The following WDPCP variants were observed in gnomAD, a reference collection of about 807,000 sequenced individuals.
The protein encoded by WDPCP is WD repeat containing planar cell polarity effector, also known as WD repeat-containing and planar cell polarity effector protein fritz homolog.
In WDPCP, 71 loss-of-function variants were observed where a neutral mutation model predicts 93.1. That is an observed-to-expected ratio of 0.76 (90% CI 0.63 to 0.93). The LOEUF is 0.93. Among genes scored for constraint, WDPCP ranks in the 40% least tolerant of loss-of-function variants. WDPCP has a pLI of 0.00. For synonymous variants in WDPCP, 315 were observed against 315.0 expected (o/e 1.00, Z 0.00); for missense variants, 844 against 887.4 (o/e 0.95, Z 0.62).
intron 14 of WDPCP, among the ~76,000 whole-genome samples, chr2:63,251,486 C>CTTTTTT (rs869243555): frequency 4.7e-5 from 5 of 107,130 alleles, no homozygotes; most frequent in Non-Finnish European, 7.6e-5. Flanking sequence ...AAAAGCCTAC[C>CTTTTTT]TTTTTTTTTT....
At chr2:63,180,211 A>G (rs1674134846) in intron 14 of WDPCP, among the ~76,000 whole-genome samples, 1 of 152,068 alleles carries the variant, frequency 6.6e-6, no homozygotes, top group Non-Finnish European at 1.5e-5. Context: ...TTTTTTTGGT[A>G]TGCATTTAAG....
intron 14 of WDPCP, among the ~76,000 whole-genome samples, chr2:63,191,235 T>C (rs1484379105): frequency 2.0e-5 from 3 of 151,800 alleles, no homozygotes; most frequent in Non-Finnish European, 4.4e-5. Context: ...TACTAAAAAT[T>C]ACAAATATTA....
At chr2:63,578,938 G>A (rs1708296396) in intron 1 of WDPCP, among the ~76,000 whole-genome samples, 2 of 152,246 alleles carry the variant, frequency 1.3e-5, no homozygotes, top group Admixed American at 1.3e-4. Context: ...GAATCTCACA[G>A]TTTGGCTTTC....
At chr2:63,508,701 A>G (rs1167762267) in intron 1 of WDPCP, among the ~76,000 whole-genome samples, 2 of 152,162 alleles carry the variant, frequency 1.3e-5, no homozygotes, top group East Asian at 3.9e-4. Context: ...CTCACATGCA[A>G]AGACACACAT....
chr2:63,710,143 C>T (rs529883816), intron 2 of WDPCP, among the ~76,000 whole-genome samples: 119 of 152,340 alleles, frequency 7.8e-4, no homozygotes, highest in South Asian at 1.4e-3. Context: ...ACACTGACCA[C>T]ATCAACAAGC....
At chr2:63,633,253 C>T (rs1239078226) in intron 3 of WDPCP, among the ~76,000 whole-genome samples, 1 of 152,060 alleles carries the variant, frequency 6.6e-6, no homozygotes, top group Non-Finnish European at 1.5e-5. Context: ...AATGAAAAGA[C>T]ACTAATAGAA....
intron 3 of WDPCP, among the ~76,000 whole-genome samples, chr2:63,618,078 A>G (rs1709692564): frequency 6.6e-6 from 1 of 152,204 alleles, no homozygotes. Flanking sequence ...TTCAATTACT[A>G]AATCCTTGAG....
At chr2:63,324,124 A>C (rs1343093283) in intron 12 of WDPCP, among the ~76,000 whole-genome samples, 1 of 152,148 alleles carries the variant, frequency 6.6e-6, no homozygotes, top group Non-Finnish European at 1.5e-5. Context: ...TGGCCACCTG[A>C]GGGAAGTATA....
chr2:63,667,536 G>C (rs532187121), intron 2 of WDPCP, among the ~76,000 whole-genome samples: 1 of 152,288 alleles, frequency 6.6e-6, no homozygotes, highest in South Asian at 2.1e-4. Flanking sequence ...TTTCAAGGTG[G>C]AGTTATATTA....
At chr2:63,204,888 A>G (rs1165859869) in intron 14 of WDPCP, among the ~76,000 whole-genome samples, 1 of 151,944 alleles carries the variant, frequency 6.6e-6, no homozygotes, top group Non-Finnish European at 1.5e-5. Flanking sequence ...TGCTTTAGTT[A>G]CCTGTGCTTG....
At chr2:63,834,124 A>G in the WDPCP span, among the ~76,000 whole-genome samples, 3 of 152,134 alleles carry the variant, frequency 2.0e-5, no homozygotes, top group Non-Finnish European at 4.4e-5. Context: ...TCATTATCCT[A>G]TTACTCCATT....
At chr2:63,651,229 T>C (rs1710105795) in intron 2 of WDPCP, among the ~76,000 whole-genome samples, 1 of 152,172 alleles carries the variant, frequency 6.6e-6, no homozygotes, top group Non-Finnish European at 1.5e-5. Flanking sequence ...TTGAATTTCT[T>C]AATTATAGCA....
intron 12 of WDPCP, among the ~76,000 whole-genome samples, chr2:63,317,761 G>A (rs919090237): frequency 6.6e-6 from 1 of 151,938 alleles, no homozygotes; most frequent in South Asian, 2.1e-4. Context: ...TACAAAAATC[G>A]ATTCAAGATG....
chr2:63,676,297 G>A (rs1710402948), intron 2 of WDPCP, among the ~76,000 whole-genome samples: 1 of 152,162 alleles, frequency 6.6e-6, no homozygotes. Flanking sequence ...GTATCTAAGT[G>A]CATGAGAAGT....
At chr2:63,799,228 G>T (rs1670659856) in intron 2 of WDPCP, among the ~76,000 whole-genome samples, 1 of 152,136 alleles carries the variant, frequency 6.6e-6, no homozygotes. Context: ...AGCCTATGAA[G>T]AAATTAGGAA....
intron 14 of WDPCP, among the ~76,000 whole-genome samples, chr2:63,234,705 G>A (rs1679232852): frequency 6.6e-6 from 1 of 152,002 alleles, no homozygotes; most frequent in Non-Finnish European, 1.5e-5. Flanking sequence ...TAGTTAATAT[G>A]AATATTTTGT....
intron 1 of WDPCP, among the ~76,000 whole-genome samples, chr2:63,538,909 G>C (rs539789495): frequency 6.6e-6 from 1 of 152,134 alleles, no homozygotes; most frequent in East Asian, 1.9e-4. Context: ...ATTATGTAAG[G>C]TGACTTGCAA....
intron 3 of WDPCP, among the ~76,000 whole-genome samples, chr2:63,635,379 G>A (rs1006028135): frequency 6.6e-6 from 1 of 152,074 alleles, no homozygotes; most frequent in Admixed American, 6.6e-5. Context: ...TATGAAGCCA[G>A]CATTACCTTA....
At chr2:63,835,279 A>G in the WDPCP span, among the ~76,000 whole-genome samples, 1 of 151,418 alleles carries the variant, frequency 6.6e-6, no homozygotes, top group Non-Finnish European at 1.5e-5. Flanking sequence ...AATCCCAGCT[A>G]CTTGGGAGAC....
Sources: gnomAD v4.1 joint callset for allele counts (sites outside exome capture counted in the v4.1 genomes callset) on GRCh38, gnomAD v4.1.1 for gene constraint, MANE v1.5 for transcripts, NCBI Gene and HGNC (gene_info 2026-07-23, HGNC 2026-07-21) for gene names.